The following SORCS1 variants were observed in gnomAD, a reference collection of about 807,000 sequenced individuals.
SORCS1 encodes the protein sortilin related VPS10 domain containing receptor 1, also known as VPS10 domain-containing receptor SorCS1.
A neutral mutation model predicts 146.1 loss-of-function variants in SORCS1; 60 were observed. The ratio of observed to expected loss-of-function variants is 0.41; its 90% CI spans 0.33 to 0.51. SORCS1 has a LOEUF of 0.51. Ranked by LOEUF, SORCS1 falls within the 20% of genes least tolerant of loss-of-function variation. The pLI, the probability that SORCS1 is intolerant of heterozygous loss-of-function variation, is 0.21. For synonymous variants in SORCS1, 637 were observed against 584.0 expected, an observed-to-expected ratio of 1.09 and a Z score of -1.31; for missense variants, 1,352 against 1,487.6, an observed-to-expected ratio of 0.91 and a Z score of 1.50.
chr10:107,054,909 G>T (rs1960455386), intron 1 of SORCS1, among the ~76,000 whole-genome samples: 1 of 152,206 alleles, frequency 6.6e-6, no homozygotes, highest in Non-Finnish European at 1.5e-5. Flanking sequence ...TATCACATTT[G>T]TTGAGCCCTC....
intron 1 of SORCS1, among the ~76,000 whole-genome samples, chr10:107,157,366 C>T (rs1249084536): frequency 1.3e-5 from 2 of 152,186 alleles, no homozygotes; most frequent in African/African-American, 2.4e-5. Context: ...TGTTATTTGA[C>T]CTTCTTCTTC....
At chr10:107,018,789 C>T (rs1564932222) in intron 1 of SORCS1, among the ~76,000 whole-genome samples, 2 of 152,018 alleles carry the variant, frequency 1.3e-5, no homozygotes, top group Admixed American at 1.3e-4. Context: ...AGAAATGTTT[C>T]TTTTATAATA....
At chr10:107,157,501 T>A (rs182441033) in intron 1 of SORCS1, among the ~76,000 whole-genome samples, 1 of 152,314 alleles carries the variant, frequency 6.6e-6, no homozygotes, top group East Asian at 1.9e-4. Context: ...AAGTAATGTG[T>A]CGATCTTTGA....
chr10:106,716,637 T>G (rs545390887), intron 6 of SORCS1, among the ~76,000 whole-genome samples: 1 of 152,182 alleles, frequency 6.6e-6, no homozygotes, highest in African/African-American at 2.4e-5. Flanking sequence ...AACAGCCTTT[T>G]CCTTTCCTGT....
At chr10:106,932,420 A>C (rs1330568321) in intron 2 of SORCS1, among the ~76,000 whole-genome samples, 2 of 152,102 alleles carry the variant, frequency 1.3e-5, no homozygotes, top group Non-Finnish European at 2.9e-5. Flanking sequence ...TATTACTGGA[A>C]TCTTAAGTTG....
In SORCS1 at chr10:106,662,534, C is replaced by T. The variant is rs560156136; in HGVS notation, c.2303+5155G>A. On this transcript the variant is annotated intron_variant, in intron 17 of 25. Transcript: ENST00000263054. The stretch of plus-strand genomic sequence containing the variant: ...CACTCTCTGGCCAGCCCTACACTTG[C>T]GATTCCTTTGCACTTCATCCCAGCC... 3.3e-5 allele frequency among the ~76,000 whole-genome samples: 5 copies of T among 152,218 alleles called. No homozygotes were observed. In the South Asian group the frequency reaches 1.0e-3, roughly 32 times the overall value.
intron 17 of SORCS1, among the ~76,000 whole-genome samples, chr10:106,653,052 A>G (rs1014909496): frequency 6.6e-6 from 1 of 152,230 alleles, no homozygotes; most frequent in Non-Finnish European, 1.5e-5. Context: ...TGTAGCACAG[A>G]AAACACTGGC....
chr10:106,735,620 C>A (rs190560738), intron 5 of SORCS1, among the ~76,000 whole-genome samples: 7 of 152,204 alleles, frequency 4.6e-5, no homozygotes, highest in Non-Finnish European at 7.4e-5. Flanking sequence ...GGGGCCCTAG[C>A]TCAAAGAAAG....
chr10:106,831,201 C>CA (rs900784114), intron 2 of SORCS1, among the ~76,000 whole-genome samples: 5 of 150,668 alleles, frequency 3.3e-5, no homozygotes, highest in East Asian at 2.0e-4. Context: ...GACTCCATCT[C>CA]AAAAAAAATA....
intron 2 of SORCS1, among the ~76,000 whole-genome samples, chr10:106,954,690 G>C (rs535429534): frequency 8.5e-5 from 13 of 152,188 alleles, no homozygotes; most frequent in African/African-American, 3.1e-4. Flanking sequence ...CTGGGCAGTT[G>C]GGCTACCATG....
intron 5 of SORCS1, among the ~76,000 whole-genome samples, chr10:106,742,028 C>T (rs182232061): frequency 6.6e-6 from 1 of 152,248 alleles, no homozygotes; most frequent in East Asian, 1.9e-4. Flanking sequence ...CAAAAATACA[C>T]TAAGAGGCTA....
intron 3 of SORCS1, among the ~76,000 whole-genome samples, chr10:106,797,058 G>A (rs958096404): frequency 6.6e-6 from 1 of 152,062 alleles, no homozygotes; most frequent in African/African-American, 2.4e-5. Context: ...AGTAAGCCGG[G>A]ATCACGCCAC....
rs769499618 is a variant in SORCS1, at chr10:106,577,123, C to T, written c.*297G>A. On this transcript the variant is annotated 3_prime_UTR_variant, in exon 26 of 26. Coordinates refer to ENST00000263054, the MANE Select transcript of SORCS1 (RefSeq NM_052918.5). ...CTGTGTCTGAAGAATTAAAAAGTCC[C>T]GATGCAGTGAGTGTTTGTTTGTTTG... 2.1e-5 allele frequency: 22 copies of T among 1,068,974 alleles called. No homozygotes were observed. Among genetic ancestry groups the T allele is most frequent in the Admixed American group, 5.2e-5 (2 of 38,568 alleles). The allele number at this position is 1,068,974 out of a possible 1,614,324, so 66.2% of individuals were successfully genotyped here.
intron 1 of SORCS1, among the ~76,000 whole-genome samples, chr10:107,161,047 A>G (rs550186621): frequency 6.6e-6 from 1 of 152,264 alleles, no homozygotes; most frequent in African/African-American, 2.4e-5. Context: ...AACAGTTTCC[A>G]TCAATCGAGA....
At chr10:106,790,733 G>T (rs1380196240) in intron 3 of SORCS1, among the ~76,000 whole-genome samples, 1 of 152,168 alleles carries the variant, frequency 6.6e-6, no homozygotes, top group African/African-American at 2.4e-5. Context: ...AAAGAATGAA[G>T]ACAAAGAGTG....
intron 6 of SORCS1, among the ~76,000 whole-genome samples, chr10:106,714,960 T>C (rs1378959243): frequency 6.6e-6 from 1 of 152,168 alleles, no homozygotes; most frequent in Non-Finnish European, 1.5e-5. Flanking sequence ...TTCAAACCAC[T>C]TCTTGCTCTG....
intron 1 of SORCS1, among the ~76,000 whole-genome samples, chr10:107,137,617 C>G (rs1300202342): frequency 6.6e-6 from 1 of 152,184 alleles, no homozygotes; most frequent in Admixed American, 6.5e-5. Context: ...AATCTCAACA[C>G]TTTGCGAGGT....
intron 1 of SORCS1, among the ~76,000 whole-genome samples, chr10:107,149,877 G>A (rs1189988448): frequency 6.6e-6 from 1 of 152,216 alleles, no homozygotes; most frequent in African/African-American, 2.4e-5. Flanking sequence ...CCCAAGATAT[G>A]AAGAATTAAA....
intron 5 of SORCS1, among the ~76,000 whole-genome samples, chr10:106,741,762 A>G (rs1857382373): frequency 6.6e-6 from 1 of 152,186 alleles, no homozygotes; most frequent in Non-Finnish European, 1.5e-5. Flanking sequence ...CAGACTAGAT[A>G]TTAATTTCTT....
Sources: gnomAD v4.1 joint callset for allele counts (sites outside exome capture counted in the v4.1 genomes callset) on GRCh38, gnomAD v4.1.1 for gene constraint, MANE v1.5 for transcripts, NCBI Gene and HGNC (gene_info 2026-07-23, HGNC 2026-07-21) for gene names.